Variants in FOCAD observed in about 807,000 individuals in gnomAD.
The protein encoded by FOCAD is KIAA1797.
Under a neutral mutation model 225.6 loss-of-function variants are expected in FOCAD, and 198 were observed. The ratio of observed to expected loss-of-function variants is 0.88; its 90% CI spans 0.78 to 0.99. FOCAD has a LOEUF of 0.99. FOCAD is among the 50% of genes least tolerant of loss of function. FOCAD has a pLI of 0.00. For synonymous variants in FOCAD, 897 were observed against 755.0 expected (o/e 1.19, Z -3.08); for missense variants, 2,713 against 2,123.6 (o/e 1.28, Z -5.46).
Position 20,740,292 on chromosome 9 carries a change from A to AG in FOCAD, c.346dup (p.Glu116GlyfsTer16), listed in dbSNP as rs1827502581. The AG allele has an allele frequency of 1.2e-6, 2 of 1,612,396 alleles. No individual in the cohort carries two copies. Among genetic ancestry groups the AG allele is most frequent in the African/African-American group, 2.7e-5 (2 of 74,868 alleles). ...CACTTACTACAAATGCAAGCTCTTA[A>AG]GGAAGGACAAGGTGGGGAAAAGAAT... is the stretch of plus-strand genomic sequence containing the variant. On this transcript the variant is annotated frameshift_variant, in exon 5 of 44. Transcript: ENST00000338382. LOFTEE classifies it high-confidence loss of function.
chr9:20,893,234 T>A (rs533617310), intron 21 of FOCAD, among the ~76,000 whole-genome samples: 10 of 152,226 alleles, frequency 6.6e-5, no homozygotes, highest in South Asian at 6.2e-4. Context: ...TTGTTTTTTT[T>A]AAATACATAA....
At chr9:20,988,561 G>A (rs553934522) in intron 41 of FOCAD, 132 bp downstream of exon 41, 1 of 354,760 alleles carries the variant, frequency 2.8e-6, no homozygotes, top group East Asian at 4.6e-5. Flanking sequence ...TAAAATATAT[G>A]CTCCCAAAAG....
chr9:20,862,941 T>C (rs758998611), intron 16 of FOCAD: 15 of 341,632 alleles, frequency 4.4e-5, no homozygotes, highest in Non-Finnish European at 7.3e-5. Context: ...ATTGTCAAGA[T>C]TTTAAAGTCA....
intron 8 of FOCAD, among the ~76,000 whole-genome samples, chr9:20,775,557 G>T (rs1388836270): frequency 1.3e-5 from 2 of 152,196 alleles, no homozygotes; most frequent in Non-Finnish European, 2.9e-5. Context: ...AGCACTGGAG[G>T]ATTGTGTGGG....
upstream of FOCAD, among the ~76,000 whole-genome samples, chr9:20,680,777 G>T (rs116913642): frequency 6.1e-4 from 93 of 152,242 alleles, no homozygotes; most frequent in Non-Finnish European, 1.0e-3. Flanking sequence ...GACCAGCCTG[G>T]ACAGCATAGT....
intron 28 of FOCAD, among the ~76,000 whole-genome samples, chr9:20,935,217 G>A (rs766941611): frequency 8.5e-5 from 13 of 152,106 alleles, no homozygotes; most frequent in Non-Finnish European, 1.8e-4. Context: ...TATTATTAAA[G>A]CTTTCTTGTT....
intron 10 of FOCAD, chr9:20,787,074 T>G (rs538100441): frequency 5.8e-6 from 2 of 346,092 alleles, no homozygotes; most frequent in African/African-American, 2.2e-5. Flanking sequence ...TGCTCTAACC[T>G]TAGGCAAACA....
At chr9:20,923,812 T>C in intron 25 of FOCAD, 44 bp downstream of exon 25, 6 of 1,486,520 alleles carry the variant, frequency 4.0e-6, no homozygotes, top group Non-Finnish European at 5.6e-6. Context: ...TTATGTCTTT[T>C]TAAGCCTGGC....
chr9:20,852,045 A>T (rs1827711614), intron 15 of FOCAD, among the ~76,000 whole-genome samples: 1 of 151,702 alleles, frequency 6.6e-6, no homozygotes, highest in African/African-American at 2.4e-5. Context: ...AGTTACCACC[A>T]TGTATTTATA....
At chr9:20,748,552 C>G (rs887792598) in intron 5 of FOCAD, among the ~76,000 whole-genome samples, 3 of 151,890 alleles carry the variant, frequency 2.0e-5, no homozygotes, top group Admixed American at 1.3e-4. Flanking sequence ...ATAGAAAAAT[C>G]AGAGAAAGAA....
intron 4 of FOCAD, among the ~76,000 whole-genome samples, chr9:20,736,555 A>G (rs2131635885): frequency 6.6e-6 from 1 of 152,266 alleles, no homozygotes; most frequent in South Asian, 2.1e-4. Context: ...AGGAGTTAGG[A>G]TGAGTTTGTA....
At chr9:20,767,156 A>T (rs924569359) in intron 7 of FOCAD, among the ~76,000 whole-genome samples, 10 of 150,024 alleles carry the variant, frequency 6.7e-5, no homozygotes, top group Admixed American at 2.0e-4. Context: ...ACATGAACTC[A>T]TCATTTTTTA....
chr9:20,976,192 A>G (rs1179710029), intron 35 of FOCAD: 1 of 241,100 alleles, frequency 4.1e-6, no homozygotes, highest in East Asian at 8.2e-5. Context: ...CAGTTATTAT[A>G]TATTATTGAA....
chr9:20,893,469 G>A (rs1162822989), intron 21 of FOCAD, among the ~76,000 whole-genome samples: 1 of 152,020 alleles, frequency 6.6e-6, no homozygotes, highest in Non-Finnish European at 1.5e-5. Context: ...AATGATTGCG[G>A]TGGTCTTACT....
At chr9:20,685,195 A>C (rs1481132351) in intron 1 of FOCAD, among the ~76,000 whole-genome samples, 2 of 123,124 alleles carry the variant, frequency 1.6e-5, no homozygotes, top group Non-Finnish European at 3.5e-5. Flanking sequence ...TTGAGTTGGA[A>C]ATTTTTTTTT....
At chr9:20,982,802 CGAT>C (rs778552956) in intron 39 of FOCAD, among the ~76,000 whole-genome samples, 31 of 152,134 alleles carry the variant, frequency 2.0e-4, no homozygotes, top group Non-Finnish European at 4.4e-4. Context: ...CCAAGTCAAA[CGAT>C]GAATGAGCAA....
chr9:20,733,770 G>A (rs1329449226), intron 4 of FOCAD, among the ~76,000 whole-genome samples: 4 of 152,134 alleles, frequency 2.6e-5, no homozygotes, highest in Non-Finnish European at 5.9e-5. Context: ...GAGAGGTCAA[G>A]GCAGAAGGAT....
chr9:20,874,231 C>T (rs1329545538), intron 18 of FOCAD: 3 of 153,468 alleles, frequency 2.0e-5, no homozygotes, highest in Non-Finnish European at 4.3e-5. Flanking sequence ...GTATATTCTA[C>T]TGGAAGATTT....
At chr9:20,673,084 C>G (rs563689733) in intron 2 of FOCAD, among the ~76,000 whole-genome samples, 1 of 152,262 alleles carries the variant, frequency 6.6e-6, no homozygotes, top group African/African-American at 2.4e-5. Flanking sequence ...GAAAACCACT[C>G]CAGAATGGTA....
Sources: allele counts gnomAD v4.1 joint callset (sites outside exome capture counted in the v4.1 genomes callset), GRCh38; gene constraint gnomAD v4.1.1; transcripts MANE v1.5; gene names NCBI Gene and HGNC (gene_info 2026-07-23, HGNC 2026-07-21).